The following MIDEAS variants were observed in gnomAD, a reference collection of about 807,000 sequenced individuals.
MIDEAS encodes the protein mitotic deacetylase associated SANT domain protein, also known as mitotic deacetylase-associated SANT domain protein.
Under a neutral mutation model 102.7 loss-of-function variants are expected in MIDEAS, and 26 were observed. The ratio of observed to expected loss-of-function variants is 0.25; its 90% CI spans 0.19 to 0.35. MIDEAS has a LOEUF of 0.35. Ranked by LOEUF, MIDEAS falls within the 10% of genes least tolerant of loss-of-function variation. MIDEAS has a pLI of 1.00. For synonymous variants in MIDEAS, 585 were observed against 591.0 expected (o/e 0.99, Z 0.15); for missense variants, 1,231 against 1,435.6 (o/e 0.86, Z 2.30).
At chr14:73,774,245 A>T (rs1225956864) in intron 1 of MIDEAS, among the ~76,000 whole-genome samples, 2 of 151,642 alleles carry the variant, frequency 1.3e-5, no homozygotes, top group Non-Finnish European at 2.9e-5. Context: ...CTGTAGTCTA[A>T]TCCCCTCATT....
rs938221793 is a variant in MIDEAS at position 73,742,126 on chromosome 14, G to C, written c.-247-1871C>G. Among the ~76,000 whole-genome samples the C allele has an allele frequency of 6.6e-6, 1 of 152,222 alleles. No individual in the cohort carries two copies. The highest frequency in any genetic ancestry group is 1.5e-5 in the Non-Finnish European group (1 of 68,044). On this transcript the variant is annotated intron_variant, in intron 1 of 12. Coordinates refer to ENST00000423556, the MANE Select transcript of MIDEAS (RefSeq NM_001367710.1). This position sits in a 1 kb window ranked among gnomAD's most constrained non-coding sequence, Gnocchi z 4.4. ...GGACTGTCTGGCTCCGCCTCTCCGA[G>C]GGAACATCAAGCCCACAGAACTAGA...
rs2052893215 is a variant in MIDEAS at position 73,716,590 on chromosome 14, G to A, written c.*2253C>T. On this transcript the variant is annotated 3_prime_UTR_variant, in exon 13 of 13. Coordinates refer to ENST00000423556, the MANE Select transcript of MIDEAS (RefSeq NM_001367710.1). ...CCCAGCTACTCAGGAGGCTGAGGCA[G>A]GAGAATTCTTTTAACCCAAGAGGCG... 6.7e-6 allele frequency: 1 copy of A among 148,574 alleles called. No individual in the cohort carries two copies. 9.2% of individuals were successfully genotyped at this position (148,574 alleles called of 1,614,324 possible).
intron 1 of MIDEAS, among the ~76,000 whole-genome samples, chr14:73,743,918 T>G (rs1192323249): frequency 6.6e-6 from 1 of 151,990 alleles, no homozygotes; most frequent in African/African-American, 2.4e-5. Flanking sequence ...CAACCAATCC[T>G]TGACCAGACC....
At chr14:73,761,125 TCAAGGAGATGGGTCA>T (rs2053551192), upstream of MIDEAS, among the ~76,000 whole-genome samples, 2 of 151,954 alleles carry the variant, frequency 1.3e-5, no homozygotes, top group South Asian at 4.2e-4. Flanking sequence ...TGGCTGTTTT[TCAAGGAGATGGGTCA>T]CAAGGAGATT....
In MIDEAS at chr14:73,739,902, T is replaced by TG. The variant is rs760940567; in HGVS notation, c.106dup (p.Gln36ProfsTer33). ...CTCCTCCTTCACTCTGATGGACTGC[T>TG]GGGGGGGCTGCAGGGGAGGGGGCTG... On this transcript the variant is annotated frameshift_variant, in exon 2 of 13. Coordinates refer to ENST00000423556, the MANE Select transcript of MIDEAS (RefSeq NM_001367710.1). LOFTEE classifies it high-confidence loss of function. The TG allele has an allele frequency of 1.6e-5, 25 of 1,550,600 alleles. No individual in the cohort carries two copies. The highest frequency in any genetic ancestry group is 1.2e-5 in the South Asian group (1 of 81,396).
At chr14:73,744,089 A>G (rs2140132280) in intron 1 of MIDEAS, among the ~76,000 whole-genome samples, 1 of 151,908 alleles carries the variant, frequency 6.6e-6, no homozygotes, top group Non-Finnish European at 1.5e-5. Context: ...CCCCACATAT[A>G]TGTTTTGCAG....
chr14:73,737,995 C>A (rs2053225308), intron 2 of MIDEAS, among the ~76,000 whole-genome samples: 1 of 151,922 alleles, frequency 6.6e-6, no homozygotes, highest in Non-Finnish European at 1.5e-5. Flanking sequence ...GTTGGCCAGG[C>A]TGGTCTCCCA....
At chr14:73,771,770 G>A (rs2053644435) in intron 1 of MIDEAS, among the ~76,000 whole-genome samples, 1 of 152,202 alleles carries the variant, frequency 6.6e-6, no homozygotes, top group African/African-American at 2.4e-5. Context: ...GCATTAAAGA[G>A]CAACTAAATT....
At chr14:73,758,400 G>A (rs1410189367) in intron 1 of MIDEAS, among the ~76,000 whole-genome samples, 1 of 152,214 alleles carries the variant, frequency 6.6e-6, no homozygotes, top group Non-Finnish European at 1.5e-5. Flanking sequence ...AGGGAGGACT[G>A]GCTTCTCGGT....
chr14:73,784,057 G>A (rs539350101), intron 1 of MIDEAS, among the ~76,000 whole-genome samples: 15 of 152,330 alleles, frequency 9.8e-5, no homozygotes, highest in Non-Finnish European at 1.6e-4. Flanking sequence ...GTGGCACCTC[G>A]GGGTTTCCGC....
Position 73,737,120 on chromosome 14 carries a change from G to C in MIDEAS, c.1627C>G (p.Gln543Glu). Residue 543 changes from glutamine (Q) to glutamate (E), a missense_variant, in exon 3 of 13, where the codon CAG (glutamine) becomes GAG (glutamate). Around this residue, in one of 5 missense-constraint regions of MIDEAS, gnomAD observed 758 missense variants for 856.0 expected, o/e 0.89. Transcript: ENST00000423556. ...VRTVDPTEAA[Q>E]AGGLDEDGKG... ...CCGTCCTCATCAAGACCTCCAGCCT[G>C]GGCTGCCTCAGTTGGGTCCACAGTT... 1 of 1,614,206 alleles carries C rather than the reference G, an allele frequency of 6.2e-7. No individual in the cohort carries two copies. The highest frequency in any genetic ancestry group is 1.6e-4 in the Middle Eastern group (1 of 6,062).
At chr14:73,745,246 C>T (rs1256099324) in intron 1 of MIDEAS, among the ~76,000 whole-genome samples, 1 of 152,210 alleles carries the variant, frequency 6.6e-6, no homozygotes, top group Admixed American at 6.5e-5. Flanking sequence ...ATGTGGAACA[C>T]AAGTCCTTCT....
At chr14:73,782,675 A>G (rs2053767811) in intron 1 of MIDEAS, among the ~76,000 whole-genome samples, 1 of 152,168 alleles carries the variant, frequency 6.6e-6, no homozygotes. Context: ...TCCTTCTATC[A>G]GATTGGTTCC....
At position 73,739,328 on chromosome 14, in the gene MIDEAS, C is replaced by T; in HGVS notation, c.681G>A (p.Arg227=). 1.2e-6 allele frequency: 2 copies of T among 1,608,112 alleles called. No individual in the cohort carries two copies. The highest frequency in any genetic ancestry group is 1.7e-6 in the Non-Finnish European group (2 of 1,176,830). The change falls in exon 2 of 13, where the codon CGG becomes CGA. Residue 227 remains arginine (R), a synonymous_variant. Coordinates refer to ENST00000423556, the MANE Select transcript of MIDEAS (RefSeq NM_001367710.1). ...FQLAFGHQVN[R]QVFRQGPPPP... The stretch of plus-strand genomic sequence containing the variant: ...GCGGTGGGCCCTGCCGGAAGACCTG[C>T]CGGTTCACCTGGTGGCCGAATGCCA...
At chr14:73,763,313 G>A (rs1384439295), upstream of MIDEAS, among the ~76,000 whole-genome samples, 1 of 152,200 alleles carries the variant, frequency 6.6e-6, no homozygotes, top group Non-Finnish European at 1.5e-5. Flanking sequence ...ACTCCATCCT[G>A]GGTGACAGGG....
In MIDEAS at chr14:73,729,666, C is replaced by T. The variant is rs758061571; in HGVS notation, c.2069G>A (p.Ser690Asn). 2 of 1,612,902 alleles carry T rather than the reference C, an allele frequency of 1.2e-6. No homozygotes were observed. Among genetic ancestry groups the T allele is most frequent in the African/African-American group, 1.3e-5 (1 of 74,950 alleles). Residue 690 changes from serine (S) to asparagine (N), a missense_variant, in exon 4 of 13, where the codon AGT becomes AAT. By Grantham distance (46) the Ser-to-Asn change is conservative. This residue lies in a region of MIDEAS where 391 missense variants were observed against 483.0 expected (regional missense o/e 0.81). Transcript: ENST00000423556. Reference sequence around the variant, plus strand: ...AGTCCGGAGCAGCGTGCGATGGGCACTCTTAGGCGTGATGGGAGGAGGGGC... The same window carrying T: ...AGTCCGGAGCAGCGTGCGATGGGCATTCTTAGGCGTGATGGGAGGAGGGGC... The part of the protein sequence containing the change: ...IPAPPPITPK[S>N]AHRTLLRTNS...
intron 1 of MIDEAS, among the ~76,000 whole-genome samples, chr14:73,774,308 G>A (rs1269742629): frequency 6.6e-6 from 1 of 151,910 alleles, no homozygotes; most frequent in Non-Finnish European, 1.5e-5. Context: ...ACTGCACCCT[G>A]CAATTACTGT....
intron 9 of MIDEAS, chr14:73,723,126 T>A (rs1269743814): frequency 2.7e-5 from 7 of 263,708 alleles, no homozygotes; most frequent in Non-Finnish European, 5.1e-5. Context: ...GGATTGCATA[T>A]CAGAGGGCAT....
chr14:73,766,105 G>C (rs1202934665), intron 1 of MIDEAS, among the ~76,000 whole-genome samples: 1 of 152,124 alleles, frequency 6.6e-6, no homozygotes, highest in Non-Finnish European at 1.5e-5. Context: ...CCAAACCTCT[G>C]TCTTTGCTCC....
Sources: gnomAD v4.1 joint callset for allele counts (sites outside exome capture counted in the v4.1 genomes callset) on GRCh38, gnomAD v4.1.1 for gene constraint, gnomAD v4.1.1 regional missense constraint, Gnocchi (gnomAD v3.1) non-coding constraint, MANE v1.5 for transcripts, NCBI Gene and HGNC (gene_info 2026-07-23, HGNC 2026-07-21) for gene names.